Variants in POT1 observed in about 807,000 individuals in gnomAD.
POT1 encodes the protein protection of telomeres 1.
Under a neutral mutation model 78.5 loss-of-function variants are expected in POT1, and 47 were observed. The ratio of observed to expected loss-of-function variants is 0.60; its 90% confidence interval spans 0.47 to 0.76. POT1 has a LOEUF of 0.76. Among genes scored for constraint, POT1 ranks in the 30% least tolerant of loss-of-function variants. The pLI, the probability that POT1 is intolerant of heterozygous loss-of-function variation, is 0.00. For missense variants in POT1, 646 were observed against 749.9 expected (o/e 0.86, Z 1.62); for synonymous variants, 259 against 260.7 (o/e 0.99, Z 0.06).
chr7:124,901,560 C>A (rs543978684), intron 3 of POT1, among the ~76,000 whole-genome samples: 1 of 152,164 alleles, frequency 6.6e-6, no homozygotes, highest in Non-Finnish European at 1.5e-5. Context: ...GATAAAACCA[C>A]AAAGGTCAGG....
At chr7:124,874,593 G>C (rs1795944637) in intron 6 of POT1, among the ~76,000 whole-genome samples, 1 of 152,062 alleles carries the variant, frequency 6.6e-6, no homozygotes, top group Admixed American at 6.5e-5. Flanking sequence ...AATTAGCTGG[G>C]TGGTAGTGGT....
chr7:124,867,532 C>T (rs80024942), intron 7 of POT1, among the ~76,000 whole-genome samples: 3,695 of 152,256 alleles, frequency 0.024, 55 homozygotes, highest in Non-Finnish European at 0.04. Flanking sequence ...TGGTGGAAAA[C>T]ATTTTCCCTC....
At position 124,842,946 on chromosome 7, in the gene POT1, A is replaced by G. The variant is rs768640219; in HGVS notation, c.1024T>C (p.Tyr342His). Residue 342 changes from tyrosine (Y) to histidine (H), a missense_variant, in exon 13 of 19, where the codon TAT becomes CAT. Transcript: ENST00000357628. ...GCACATAGTGGTGTCCTCTCCAAAT[A>G]CTGATGATCTGTAAGTACTGTAAAG... The part of the protein sequence containing the change: ...LSATILTDHQ[Y>H]LERTPLCAIL... The G allele has an allele frequency of 6.3e-7, 1 of 1,584,924 alleles. No homozygotes were observed. Among genetic ancestry groups the G allele is most frequent in the East Asian group, 2.3e-5 (1 of 44,130 alleles).
At chr7:124,882,972 G>T (rs982842573) in intron 6 of POT1, among the ~76,000 whole-genome samples, 1 of 151,978 alleles carries the variant, frequency 6.6e-6, no homozygotes, top group African/African-American at 2.4e-5. Flanking sequence ...GATGAAAATT[G>T]ATAGAATAGC....
intron 6 of POT1, among the ~76,000 whole-genome samples, chr7:124,886,511 T>C (rs1251882307): frequency 6.6e-4 from 100 of 152,280 alleles, no homozygotes; most frequent in Non-Finnish European, 2.1e-4. Context: ...TAAAACTTTA[T>C]TGTCTGGCTA....
Position 124,863,459 on chromosome 7 carries a change from G to T in POT1, c.437C>A (p.Pro146Gln). The change falls in exon 8 of 19, where the codon CCG (proline) becomes CAG (glutamine). Residue 146 changes from proline to glutamine, a missense_variant. Physicochemically the swap from Pro to Gln is moderately conservative, Grantham distance 76 (BLOSUM62 -1). Coordinates refer to ENST00000357628, the MANE Select transcript of POT1 (RefSeq NM_015450.3). The part of the protein sequence containing the change: ...LRVWASTHMS[P>Q]SWTLLKLCDV... ...ACACAATTTTAGTAATGTCCAAGAC[G>T]GTGACATATGAGTAGATGCCCAAAC... The T allele has an allele frequency of 6.2e-7, 1 of 1,613,914 alleles. No individual in the cohort carries two copies. Among genetic ancestry groups the T allele is most frequent in the South Asian group, 1.1e-5 (1 of 91,070 alleles).
At chr7:124,865,730 C>T (rs7782031) in intron 7 of POT1, among the ~76,000 whole-genome samples, 2 of 150,958 alleles carry the variant, frequency 1.3e-5, no homozygotes, top group African/African-American at 2.4e-5. Flanking sequence ...TATTTTGAGA[C>T]GGATCTCGTT....
chr7:124,825,921 A>T (rs576285821), intron 17 of POT1, among the ~76,000 whole-genome samples: 1 of 152,316 alleles, frequency 6.6e-6, no homozygotes, highest in Admixed American at 6.5e-5. Flanking sequence ...CAATCCATGT[A>T]GTAAACATTT....
At chr7:124,870,272 GATA>G (rs1055589676) in intron 7 of POT1, among the ~76,000 whole-genome samples, 66 of 152,128 alleles carry the variant, frequency 4.3e-4, no homozygotes, top group Admixed American at 1.6e-3. Context: ...TAGCAATAAA[GATA>G]ATAATTTTGA....
chr7:124,852,788 CT>C (rs1473788105), intron 10 of POT1, among the ~76,000 whole-genome samples, 183 bp downstream of exon 10: 1 of 152,068 alleles, frequency 6.6e-6, no homozygotes, highest in Non-Finnish European at 1.5e-5. Flanking sequence ...ATAACCCTGG[CT>C]CTGCTACTAC....
At chr7:124,908,539 C>T (rs1306067980) in intron 3 of POT1, among the ~76,000 whole-genome samples, 1 of 151,918 alleles carries the variant, frequency 6.6e-6, no homozygotes, top group Admixed American at 6.6e-5. Context: ...ATGCTATTCT[C>T]TCTTTGCAAT....
Position 124,897,204 on chromosome 7 carries a change from G to A in POT1, c.-31C>T, listed in dbSNP as rs944252234. On this transcript the variant is annotated 5_prime_UTR_variant, in exon 5 of 19. Coordinates refer to ENST00000357628, the MANE Select transcript of POT1 (RefSeq NM_015450.3). The stretch of plus-strand genomic sequence containing the variant: ...CTGTAGAAAAATCTCTTAAAGATTT[G>A]ACATAAACCTGAAGGAAAAAAAGAA... 2 of 1,413,604 alleles carry A rather than the reference G, an allele frequency of 1.4e-6. No individual in the cohort carries two copies. Among genetic ancestry groups the A allele is most frequent in the African/African-American group, 2.9e-5 (2 of 69,042 alleles). The allele number at this position is 1,413,604 out of a possible 1,614,324, so 87.6% of individuals were successfully genotyped here.
chr7:124,848,656 C>T (rs73223547), intron 11 of POT1: 51 of 157,552 alleles, frequency 3.2e-4, no homozygotes, highest in Middle Eastern at 5.9e-4. Flanking sequence ...AAGCGAGACT[C>T]CATCTCAAAA....
chr7:124,858,889 T>C (rs1224009484), intron 9 of POT1, 68 bp downstream of exon 9: 2 of 1,256,404 alleles, frequency 1.6e-6, no homozygotes, highest in African/African-American at 3.0e-5. Context: ...ATATAAAAAA[T>C]TTACATGAGC....
intron 11 of POT1, among the ~76,000 whole-genome samples, chr7:124,847,860 T>C (rs530465903): frequency 1.3e-5 from 2 of 152,356 alleles, no homozygotes; most frequent in Admixed American, 1.3e-4. Context: ...TACTTCACAC[T>C]ATACTAGTAA....
chr7:124,865,416 T>C (rs1297404084), intron 7 of POT1, among the ~76,000 whole-genome samples: 1 of 152,130 alleles, frequency 6.6e-6, no homozygotes, highest in Non-Finnish European at 1.5e-5. Flanking sequence ...CTAAATTACA[T>C]GTAACCCTTG....
chr7:124,827,420 T>A, intron 16 of POT1, 115 bp from the exon 17 acceptor site: 1 of 473,718 alleles, frequency 2.1e-6, no homozygotes, highest in Non-Finnish European at 3.6e-6. Context: ...CTAAAATAAC[T>A]CAAGATACAA....
At chr7:124,889,697 A>G (rs1796322841) in intron 6 of POT1, among the ~76,000 whole-genome samples, 1 of 91,554 alleles carries the variant, frequency 1.1e-5, no homozygotes, top group Non-Finnish European at 2.3e-5. Context: ...GCCTTTCAAA[A>G]TTAGCAAAAC....
rs766211616 is a variant in POT1 at position 124,853,121 on chromosome 7, T to C, written c.720A>G (p.Arg240=). Residue 240 remains arginine (R), a synonymous_variant, in exon 10 of 19, where the codon AGA becomes AGG. Transcript: ENST00000357628. The stretch of plus-strand genomic sequence containing the variant: ...GAAGTTTGGTATGAAGGCTATAGAT[T>C]CTAAGAAAGCTTCCAACCTAAAAAA... The part of the protein sequence containing the change: ...ARSLKVGSFL[R]IYSLHTKLQS... 19 of 1,589,378 alleles carry C rather than the reference T, an allele frequency of 1.2e-5. No individual in the cohort carries two copies. The highest frequency in any genetic ancestry group is 1.7e-5 in the Admixed American group (1 of 57,478).
Sources: gnomAD v4.1 joint callset for allele counts (sites outside exome capture counted in the v4.1 genomes callset) on GRCh38, gnomAD v4.1.1 for gene constraint, MANE v1.5 for transcripts, NCBI Gene and HGNC (gene_info 2026-07-23, HGNC 2026-07-21) for gene names.